DCDC2C: variants seen among roughly 807,000 people sequenced by gnomAD.
DCDC2C encodes the protein doublecortin domain-containing protein 2C.
Under a neutral mutation model 45.0 loss-of-function variants are expected in DCDC2C, and 44 were observed. That is an observed-to-expected ratio of 0.98 (90% CI 0.77 to 1.26). The LOEUF (loss-of-function observed/expected upper bound fraction) is 1.26. DCDC2C is among the 50% of genes most tolerant of loss of function. DCDC2C has a pLI of 0.00. For missense variants in DCDC2C, 447 were observed against 468.9 expected, an observed-to-expected ratio of 0.95 and a Z score of 0.43; for synonymous variants, 187 against 178.8, an observed-to-expected ratio of 1.05 and a Z score of -0.37.
intron 9 of DCDC2C, 137 bp from the exon 10 acceptor site, chr2:3,784,922 G>A (rs780237699): frequency 3.9e-6 from 2 of 515,354 alleles, no homozygotes; most frequent in Middle Eastern, 5.4e-4. Context: ...GAGGCTTTAC[G>A]CCAAGCTCCT....
chr2:3,833,995 A>G (rs868735885), intron 10 of DCDC2C, among the ~76,000 whole-genome samples: 17 of 152,110 alleles, frequency 1.1e-4, no homozygotes, highest in Admixed American at 4.6e-4. Flanking sequence ...TTTATTTTCT[A>G]TTTGTTTTTA....
chr2:3,767,545 A>G (rs906703986), intron 6 of DCDC2C, among the ~76,000 whole-genome samples: 3 of 152,180 alleles, frequency 2.0e-5, no homozygotes, highest in African/African-American at 7.2e-5. Context: ...AGGGAGGGAG[A>G]GAATTATTTT....
chr2:3,838,469 A>G (rs1672136206), intron 10 of DCDC2C, among the ~76,000 whole-genome samples: 1 of 151,494 alleles, frequency 6.6e-6, no homozygotes, highest in Non-Finnish European at 1.5e-5. Flanking sequence ...AGAGAGAGAG[A>G]GAGAGAGAGA....
rs1558249349 is a variant in DCDC2C at position 3,837,050 on chromosome 2, G to GGTTGGAATCC, written c.1066-10104_1066-10103insGTTGGAATCC. ...CTACAGAGCGGAGGAAAAAGGAATT[G>GGTTGGAATCC]TTTGGTTGGAATCCTTCAGCCTTCC... On this transcript the variant is annotated intron_variant, in intron 10 of 10. Transcript: ENST00000399143. Among the ~76,000 whole-genome samples, 6 of 152,300 alleles carry GGTTGGAATCC rather than the reference G, an allele frequency of 3.9e-5. No individual in the cohort carries two copies. The South Asian group carries it at 6.2e-4, about 16-fold the overall frequency.
intron 10 of DCDC2C, among the ~76,000 whole-genome samples, chr2:3,803,783 G>T (rs758549966): frequency 6.6e-6 from 1 of 152,156 alleles, no homozygotes; most frequent in Non-Finnish European, 1.5e-5. Context: ...CATTCTGCAG[G>T]TTCCTTCAAG....
rs145363480 is a variant in DCDC2C at position 3,810,163 on chromosome 2, C to T, written c.1065+25063C>T. Among the ~76,000 whole-genome samples the T allele has an allele frequency of 7.1e-3, 1,079 of 152,272 alleles. 12 individuals are homozygous for T. The highest frequency in any genetic ancestry group is 0.024 in the African/African-American group (1,010 of 41,536). On this transcript the variant is annotated intron_variant, in intron 10 of 10. Transcript: ENST00000399143. ...TTCTGGTTCTAGATCCTTGAGGAAT[C>T]GCCATACCGTCTTCCACAATGGTTG... is the stretch of plus-strand genomic sequence containing the variant.
intron 10 of DCDC2C, among the ~76,000 whole-genome samples, chr2:3,822,551 T>C (rs1323403147): frequency 1.7e-5 from 1 of 57,240 alleles, no homozygotes; most frequent in Non-Finnish European, 3.7e-5. Flanking sequence ...TTTGCTGATT[T>C]TTTTTTTTCC....
intron 1 of DCDC2C, among the ~76,000 whole-genome samples, chr2:3,704,876 C>T (rs1212719790): frequency 6.6e-6 from 1 of 152,118 alleles, no homozygotes. Context: ...ATTGCCCTCC[C>T]ACGGTTTGTG....
At chr2:3,763,030 T>C (rs1201408461) in intron 6 of DCDC2C, among the ~76,000 whole-genome samples, 1 of 151,974 alleles carries the variant, frequency 6.6e-6, no homozygotes, top group East Asian at 1.9e-4. Context: ...ACATGGACCT[T>C]GAGTGCTTGG....
At chr2:3,735,228 T>A (rs1019801990) in intron 3 of DCDC2C, among the ~76,000 whole-genome samples, 2 of 151,974 alleles carry the variant, frequency 1.3e-5, no homozygotes, top group Non-Finnish European at 2.9e-5. Context: ...TAACTTTCTT[T>A]TTTTTATTTT....
At chr2:3,746,420 C>T (rs144707955) in intron 4 of DCDC2C, among the ~76,000 whole-genome samples, 402 of 152,216 alleles carry the variant, frequency 2.6e-3, no homozygotes, top group Non-Finnish European at 4.6e-3. Flanking sequence ...AAAGGAATGA[C>T]GTTTAGTATG....
intron 9 of DCDC2C, among the ~76,000 whole-genome samples, chr2:3,782,050 G>C (rs1670523666): frequency 2.0e-5 from 3 of 152,160 alleles, no homozygotes; most frequent in African/African-American, 7.2e-5. Flanking sequence ...CACAGTCACG[G>C]CTATGGTCTG....
At chr2:3,804,464 G>A (rs1314802021) in intron 10 of DCDC2C, among the ~76,000 whole-genome samples, 1 of 152,232 alleles carries the variant, frequency 6.6e-6, no homozygotes, top group Non-Finnish European at 1.5e-5. Flanking sequence ...AATTCATAAA[G>A]GAAGGACCTA....
At chr2:3,709,963 T>C (rs1385071077) in intron 2 of DCDC2C, among the ~76,000 whole-genome samples, 1 of 152,210 alleles carries the variant, frequency 6.6e-6, no homozygotes, top group East Asian at 1.9e-4. Flanking sequence ...GCGCTGGCCT[T>C]GTCCTCCTAG....
At chr2:3,770,450 T>G (rs1670133109) in intron 8 of DCDC2C, among the ~76,000 whole-genome samples, 1 of 152,252 alleles carries the variant, frequency 6.6e-6, no homozygotes, top group Non-Finnish European at 1.5e-5. Flanking sequence ...TTCCTTTTTT[T>G]GGCATTTTGA....
intron 2 of DCDC2C, among the ~76,000 whole-genome samples, chr2:3,715,362 T>G (rs1231274655): frequency 6.6e-6 from 1 of 152,196 alleles, no homozygotes; most frequent in African/African-American, 2.4e-5. Context: ...ATTGTGAGAC[T>G]GGATGTTTCC....
At chr2:3,841,206 T>G (rs1672206108) in intron 10 of DCDC2C, among the ~76,000 whole-genome samples, 1 of 152,104 alleles carries the variant, frequency 6.6e-6, no homozygotes, top group Admixed American at 6.5e-5. Context: ...ATGAGTATCC[T>G]TAGGGGAGAC....
chr2:3,735,063 GA>G (rs1266441948), intron 3 of DCDC2C, among the ~76,000 whole-genome samples: 9 of 152,082 alleles, frequency 5.9e-5, no homozygotes, highest in African/African-American at 2.2e-4. Flanking sequence ...TTGAAGACTA[GA>G]AACTTGGTCT....
intron 2 of DCDC2C, among the ~76,000 whole-genome samples, chr2:3,714,562 G>A (rs572867774): frequency 6.6e-6 from 1 of 152,228 alleles, no homozygotes; most frequent in Admixed American, 6.5e-5. Flanking sequence ...AACAACAAGT[G>A]TACCATTCAT....
Sources: allele counts gnomAD v4.1 joint callset (sites outside exome capture counted in the v4.1 genomes callset), GRCh38; gene constraint gnomAD v4.1.1; transcripts MANE v1.5; gene names NCBI Gene and HGNC (gene_info 2026-07-23, HGNC 2026-07-21).